The following CACNA2D3 variants were observed in gnomAD, a reference collection of about 807,000 sequenced individuals.
CACNA2D3 encodes the protein calcium voltage-gated channel auxiliary subunit alpha2delta 3.
A neutral mutation model predicts 160.6 loss-of-function variants in CACNA2D3; 60 were observed. That is an observed-to-expected ratio of 0.37 (90% CI 0.30 to 0.46). CACNA2D3 has a LOEUF of 0.46. Among genes scored for constraint, CACNA2D3 ranks in the 20% least tolerant of loss-of-function variants. The probability of loss-of-function intolerance (pLI) is 1.00; values close to 1 mark genes in which losing one functional copy is unlikely to be tolerated. For synonymous variants in CACNA2D3, 558 were observed against 492.9 expected (o/e 1.13, Z -1.75); for missense variants, 1,205 against 1,365.0 (o/e 0.88, Z 1.85).
At chr3:54,161,155 G>C (rs1213034324) in intron 2 of CACNA2D3, among the ~76,000 whole-genome samples, 1 of 152,186 alleles carries the variant, frequency 6.6e-6, no homozygotes, top group Non-Finnish European at 1.5e-5. Context: ...TAAAAGCGGT[G>C]TGAATCCCAG....
intron 27 of CACNA2D3, among the ~76,000 whole-genome samples, chr3:54,963,482 C>T (rs1702078369): frequency 6.6e-6 from 1 of 152,162 alleles, no homozygotes; most frequent in Non-Finnish European, 1.5e-5. Context: ...CTAACTAGTG[C>T]AACTAAGGAA....
chr3:54,209,216 G>A (rs139694906), intron 2 of CACNA2D3, among the ~76,000 whole-genome samples: 7 of 152,260 alleles, frequency 4.6e-5, no homozygotes, highest in African/African-American at 1.7e-4. Flanking sequence ...CATAATTTTT[G>A]GAAGATTTCA....
At chr3:55,065,774 A>G (rs1215865378) in intron 35 of CACNA2D3, among the ~76,000 whole-genome samples, 1 of 151,988 alleles carries the variant, frequency 6.6e-6, no homozygotes, top group Non-Finnish European at 1.5e-5. Context: ...AGAAAAAAAA[A>G]TTGTTTCATG....
chr3:54,466,778 A>G (rs1333313740), intron 4 of CACNA2D3, among the ~76,000 whole-genome samples: 3 of 152,252 alleles, frequency 2.0e-5, no homozygotes, highest in Non-Finnish European at 4.4e-5. Context: ...CTGTATAATT[A>G]TAAGTATAGC....
intron 34 of CACNA2D3, among the ~76,000 whole-genome samples, chr3:55,012,433 C>T (rs767860101): frequency 2.0e-5 from 3 of 152,132 alleles, no homozygotes; most frequent in African/African-American, 7.2e-5. Flanking sequence ...GCTCCCTTCT[C>T]TTCATGTCTG....
chr3:54,177,411 G>A (rs1175066325), intron 2 of CACNA2D3, among the ~76,000 whole-genome samples: 1 of 152,172 alleles, frequency 6.6e-6, no homozygotes, highest in Non-Finnish European at 1.5e-5. Context: ...AGAAATGGTA[G>A]GTAGAACAGT....
chr3:54,404,340 T>G (rs569172875), intron 4 of CACNA2D3, among the ~76,000 whole-genome samples: 2 of 152,236 alleles, frequency 1.3e-5, no homozygotes, highest in South Asian at 4.1e-4. Context: ...GACTAGCATA[T>G]ACAAATTAAT....
At chr3:54,819,051 C>G (rs953050881) in intron 14 of CACNA2D3, among the ~76,000 whole-genome samples, 1 of 150,510 alleles carries the variant, frequency 6.6e-6, no homozygotes, top group Non-Finnish European at 1.5e-5. Context: ...GCCCCCAACT[C>G]CCCTTCCCAT....
chr3:55,054,097 C>G (rs966240041), intron 35 of CACNA2D3, among the ~76,000 whole-genome samples: 2 of 151,478 alleles, frequency 1.3e-5, no homozygotes, highest in Admixed American at 1.3e-4. Context: ...CAGTATACAT[C>G]TTTAATTGCT....
At chr3:54,757,142 GC>G (rs1166294436) in intron 12 of CACNA2D3, among the ~76,000 whole-genome samples, 3 of 152,116 alleles carry the variant, frequency 2.0e-5, no homozygotes, top group Non-Finnish European at 4.4e-5. Context: ...CATTCAGTAT[GC>G]CAAGATTTTA....
chr3:54,464,332 GAGGT>G (rs1700570311), intron 4 of CACNA2D3, among the ~76,000 whole-genome samples: 1 of 152,222 alleles, frequency 6.6e-6, no homozygotes, highest in Non-Finnish European at 1.5e-5. Context: ...TAAGTCTGCA[GAGGT>G]TACTGCTGTC....
chr3:54,756,270 TA>T (rs1283002921), intron 12 of CACNA2D3, among the ~76,000 whole-genome samples: 1 of 152,134 alleles, frequency 6.6e-6, no homozygotes, highest in Non-Finnish European at 1.5e-5. Flanking sequence ...TGCTTCTATG[TA>T]AAGAGCCTTG....
intron 12 of CACNA2D3, 57 bp from the exon 13 acceptor site, chr3:54,764,161 C>T (rs949522204): frequency 6.3e-7 from 1 of 1,596,882 alleles, no homozygotes; most frequent in Non-Finnish European, 8.6e-7. Context: ...ATGCATATTC[C>T]CAGTTGCAAG....
At chr3:54,704,507 G>T (rs891087399) in intron 11 of CACNA2D3, among the ~76,000 whole-genome samples, 1 of 151,810 alleles carries the variant, frequency 6.6e-6, no homozygotes, top group African/African-American at 2.4e-5. Flanking sequence ...GTTGATTGCT[G>T]CAGGCTCAGG....
At chr3:54,336,761 C>A (rs570322177) in intron 3 of CACNA2D3, among the ~76,000 whole-genome samples, 6 of 152,122 alleles carry the variant, frequency 3.9e-5, no homozygotes, top group Non-Finnish European at 7.4e-5. Flanking sequence ...GTTGCAAAAG[C>A]AGTGATCACA....
At chr3:54,433,880 A>G (rs1272636189) in intron 4 of CACNA2D3, among the ~76,000 whole-genome samples, 1 of 152,236 alleles carries the variant, frequency 6.6e-6, no homozygotes, top group Admixed American at 6.5e-5. Context: ...GCCAAGGACC[A>G]ATGGAAATAC....
At chr3:54,889,744 C>G (rs999985894) in intron 24 of CACNA2D3, among the ~76,000 whole-genome samples, 1 of 152,192 alleles carries the variant, frequency 6.6e-6, no homozygotes, top group Non-Finnish European at 1.5e-5. Context: ...CTTTGAACTG[C>G]TTGCCTTCAT....
chr3:54,855,710 T>C (rs566822660), intron 17 of CACNA2D3, among the ~76,000 whole-genome samples: 2 of 152,336 alleles, frequency 1.3e-5, no homozygotes, highest in Non-Finnish European at 1.5e-5. Flanking sequence ...CTATCTCCCA[T>C]TGTAGTGGGA....
chr3:54,153,635 A>G (rs754781017), intron 2 of CACNA2D3, among the ~76,000 whole-genome samples: 5 of 152,208 alleles, frequency 3.3e-5, no homozygotes, highest in South Asian at 2.1e-4. Flanking sequence ...TAAAGGAGCT[A>G]TGGCCCATCT....
Sources: gnomAD v4.1 joint callset for allele counts (sites outside exome capture counted in the v4.1 genomes callset) on GRCh38, gnomAD v4.1.1 for gene constraint, MANE v1.5 for transcripts, NCBI Gene and HGNC (gene_info 2026-07-23, HGNC 2026-07-21) for gene names.